Variants in ALKBH3 observed in about 807,000 individuals in gnomAD.
The protein encoded by ALKBH3 is alpha-ketoglutarate-dependent dioxygenase alkB homolog 3.
Under a neutral mutation model 43.9 loss-of-function variants are expected in ALKBH3, and 51 were observed. The ratio of observed to expected loss-of-function variants is 1.16; its 90% confidence interval spans 0.93 to 1.47. The LOEUF (loss-of-function observed/expected upper bound fraction) is 1.47. Ranked by LOEUF, ALKBH3 falls within the 40% of genes most tolerant of loss-of-function variation. The probability of loss-of-function intolerance (pLI) is 0.00; values close to 1 mark genes in which losing one functional copy is unlikely to be tolerated. For synonymous variants in ALKBH3, 102 were observed against 115.2 expected, an observed-to-expected ratio of 0.89 and a Z score of 0.73; for missense variants, 361 against 351.9, an observed-to-expected ratio of 1.03 and a Z score of -0.21.
intron 8 of ALKBH3, among the ~76,000 whole-genome samples, chr11:43,917,948 T>C (rs1429322215): frequency 6.6e-6 from 1 of 152,218 alleles, no homozygotes; most frequent in East Asian, 1.9e-4. Context: ...ATGATTGTTT[T>C]GATTTTGATT....
chr11:43,901,020 C>T (rs942855244), intron 7 of ALKBH3, among the ~76,000 whole-genome samples: 1 of 152,140 alleles, frequency 6.6e-6, no homozygotes, highest in Non-Finnish European at 1.5e-5. Flanking sequence ...TTTTAAAAAG[C>T]ACTTCTCCCC....
intron 7 of ALKBH3, among the ~76,000 whole-genome samples, chr11:43,901,023 T>G (rs1432156458): frequency 6.6e-6 from 1 of 152,220 alleles, no homozygotes; most frequent in African/African-American, 2.4e-5. Context: ...TAAAAAGCAC[T>G]TCTCCCCATC....
chr11:43,884,339 T>C (rs369227759), intron 4 of ALKBH3, among the ~76,000 whole-genome samples: 38 of 151,854 alleles, frequency 2.5e-4, no homozygotes, highest in Admixed American at 2.0e-3. Flanking sequence ...TCCTGAGTCA[T>C]TGAAGCATGG....
At chr11:43,917,663 A>G (rs1397796234) in intron 8 of ALKBH3, among the ~76,000 whole-genome samples, 3 of 151,912 alleles carry the variant, frequency 2.0e-5, no homozygotes, top group African/African-American at 4.8e-5. Context: ...TTTAAATCAG[A>G]GCAGCGTTTT....
chr11:43,906,696 A>C (rs1203706584), intron 8 of ALKBH3, among the ~76,000 whole-genome samples: 1 of 152,204 alleles, frequency 6.6e-6, no homozygotes, highest in African/African-American at 2.4e-5. Context: ...TTTTAAAGTA[A>C]ATAAAATAAA....
chr11:43,904,807 A>G (rs1951885294), intron 8 of ALKBH3, among the ~76,000 whole-genome samples: 2 of 152,218 alleles, frequency 1.3e-5, no homozygotes, highest in South Asian at 4.1e-4. Flanking sequence ...ATACAGCCCA[A>G]GGTAAAGCAT....
rs1278529937 is a variant in ALKBH3 at position 43,903,307 on chromosome 11, C to A, written c.669+1582C>A. On this transcript the variant is annotated intron_variant, in intron 8 of 9. Transcript: ENST00000302708. ...ATTTGTTTTAGATATGATTATACTT[C>A]TGTACACAGCTTTCACTCAGTTAAA... 6.6e-5 allele frequency among the ~76,000 whole-genome samples: 10 copies of A among 152,216 alleles called. No homozygotes were observed. In the East Asian group the frequency reaches 1.9e-3, roughly 29 times the overall value.
chr11:43,885,524 G>T (rs2434481), intron 4 of ALKBH3, among the ~76,000 whole-genome samples: 2 of 152,014 alleles, frequency 1.3e-5, no homozygotes, highest in Non-Finnish European at 2.9e-5. Flanking sequence ...CTGCCCCTTC[G>T]TGTTCTCTAT....
intron 4 of ALKBH3, among the ~76,000 whole-genome samples, chr11:43,885,126 CAT>C (rs1450578418): frequency 1.3e-5 from 2 of 152,112 alleles, no homozygotes; most frequent in African/African-American, 2.4e-5. Flanking sequence ...AACCATGAAA[CAT>C]GTTGTAAGCT....
At chr11:43,906,563 T>C (rs1272007039) in intron 8 of ALKBH3, among the ~76,000 whole-genome samples, 1 of 152,108 alleles carries the variant, frequency 6.6e-6, no homozygotes, top group East Asian at 1.9e-4. Context: ...CAAGAAATAC[T>C]TGAGGCTGGG....
intron 7 of ALKBH3, among the ~76,000 whole-genome samples, chr11:43,900,141 A>G (rs1590373807): frequency 6.6e-6 from 1 of 150,756 alleles, no homozygotes; most frequent in East Asian, 1.9e-4. Context: ...GTTGGAAATT[A>G]TAGTTATTTT....
At chr11:43,898,516 C>T in intron 7 of ALKBH3, 1 of 916,024 alleles carries the variant, frequency 1.1e-6, no homozygotes, top group Non-Finnish European at 1.8e-6. Flanking sequence ...GGAGGAAGCC[C>T]TGCTGAGATA....
At chr11:43,909,978 C>G (rs962759598) in intron 8 of ALKBH3, 1 of 152,252 alleles carries the variant, frequency 6.6e-6, no homozygotes, top group African/African-American at 2.4e-5. Context: ...AAATCAAGTC[C>G]ACCAGCCTGT....
intron 7 of ALKBH3, among the ~76,000 whole-genome samples, chr11:43,900,215 A>ATTTTTTTTTTTTTTTTTTTTTTTTT (rs34274072): frequency 1.1e-5 from 1 of 87,150 alleles, no homozygotes; most frequent in Non-Finnish European, 2.2e-5. Context: ...TTTTAATTTA[A>ATTTTTTTTTTTTTTTTTTTTTTTTT]TTTTTTTTTT....
At chr11:43,889,562 C>A (rs762296724) in intron 5 of ALKBH3, among the ~76,000 whole-genome samples, 163 bp from the exon 6 acceptor site, 3 of 152,204 alleles carry the variant, frequency 2.0e-5, no homozygotes, top group Non-Finnish European at 4.4e-5. Flanking sequence ...TCTGGAGCCT[C>A]ATGACCTGGG....
intron 3 of ALKBH3, among the ~76,000 whole-genome samples, 199 bp from the exon 4 acceptor site, chr11:43,883,781 ATCT>A (rs758090732): frequency 3.6e-4 from 55 of 152,316 alleles, no homozygotes; most frequent in Middle Eastern, 3.4e-3. Flanking sequence ...TAATAATTGT[ATCT>A]TCTTTTACTG....
chr11:43,911,009 C>T (rs1164949315), intron 8 of ALKBH3, among the ~76,000 whole-genome samples: 1 of 152,170 alleles, frequency 6.6e-6, no homozygotes, highest in East Asian at 1.9e-4. Flanking sequence ...CAAACATAGT[C>T]CCTGCCCTTA....
In ALKBH3 at chr11:43,920,166, G is replaced by A. The variant is rs1177216898; in HGVS notation, c.*156G>A. The stretch of plus-strand genomic sequence containing the variant: ...TTGGAGTCCTATTAAATGAAAGCCA[G>A]CAACTCATGTTGGTAATAGGTCTAC... On this transcript the variant is annotated 3_prime_UTR_variant, in exon 10 of 10. Coordinates refer to ENST00000302708, the MANE Select transcript of ALKBH3 (RefSeq NM_139178.4). The A allele has an allele frequency of 3.1e-6, 2 of 639,534 alleles. No individual in the cohort carries two copies. The highest frequency in any genetic ancestry group is 5.4e-6 in the Non-Finnish European group (2 of 369,362). The allele number at this position is 639,534 out of a possible 1,614,324, so 39.6% of individuals were successfully genotyped here.
At chr11:43,898,259 A>G (rs1044849437) in intron 7 of ALKBH3, 6 of 792,120 alleles carry the variant, frequency 7.6e-6, no homozygotes, top group African/African-American at 3.4e-5. Flanking sequence ...ATTCCAAAAG[A>G]TGAGCATATT....
Sources: allele counts gnomAD v4.1 joint callset (sites outside exome capture counted in the v4.1 genomes callset), GRCh38; gene constraint gnomAD v4.1.1; transcripts MANE v1.5; gene names NCBI Gene and HGNC (gene_info 2026-07-23, HGNC 2026-07-21).